The following UGT1A6 variants were observed in gnomAD, a reference collection of about 807,000 sequenced individuals.
UGT1A6 encodes the protein UDP-glucuronosyltransferase 1A6.
UGT1A6 carries 32 observed loss-of-function variants against 44.4 expected under a neutral mutation model. That is an observed-to-expected ratio of 0.72 (90% CI 0.54 to 0.97). The LOEUF is 0.97. Ranked by LOEUF, UGT1A6 falls within the 50% of genes least tolerant of loss-of-function variation. The probability of loss-of-function intolerance (pLI) is 0.00; values close to 1 mark genes in which losing one functional copy is unlikely to be tolerated. For synonymous variants in UGT1A6, 238 were observed against 248.5 expected (o/e 0.96, Z 0.40); for missense variants, 685 against 661.9 (o/e 1.03, Z -0.38).
Position 233,693,795 on chromosome 2 carries a change from C to T in UGT1A6, c.791C>T (p.Pro264Leu), listed in dbSNP as rs1559346736. Residue 264 changes from proline to leucine, a missense_variant, in exon 1 of 5, where the codon CCT (proline) becomes CTT (leucine). Coordinates refer to ENST00000305139, the MANE Select transcript of UGT1A6 (RefSeq NM_001072.4). ...AGATATGACTTTGTGCTTGAATATC[C>T]TAGGCCGGTCATGCCCAACATGGTC... is the stretch of plus-strand genomic sequence containing the variant. The part of the protein sequence containing the change: ...LLRYDFVLEY[P>L]RPVMPNMVFI... The T allele has an allele frequency of 6.2e-7, 1 of 1,614,186 alleles. No individual in the cohort carries two copies. Among genetic ancestry groups the T allele is most frequent in the East Asian group, 2.2e-5 (1 of 44,888 alleles).
At chr2:233,716,951 C>A (rs2076535717) in intron 1 of UGT1A6, among the ~76,000 whole-genome samples, 1 of 152,156 alleles carries the variant, frequency 6.6e-6, no homozygotes, top group Non-Finnish European at 1.5e-5. Flanking sequence ...TTCCCAGGCA[C>A]CAGGAATGTG....
chr2:233,733,221 G>A (rs531413389), intron 1 of UGT1A6, among the ~76,000 whole-genome samples: 6 of 152,072 alleles, frequency 3.9e-5, no homozygotes, highest in African/African-American at 1.4e-4. Context: ...GAGACAATGG[G>A]GTTTTCTAAA....
intron 1 of UGT1A6, chr2:233,754,258 T>A: frequency 5.9e-6 from 1 of 170,430 alleles, no homozygotes; most frequent in South Asian, 1.4e-4. Flanking sequence ...CGGAAAAAGG[T>A]AAGGCTCAAA....
At chr2:233,747,810 A>G (rs1693783178) in intron 1 of UGT1A6, 1 of 1,613,368 alleles carries the variant, frequency 6.2e-7, no homozygotes, top group South Asian at 1.1e-5. Flanking sequence ...GTTACTAACG[A>G]CCAATTCAGA....
rs776415192 is a variant in UGT1A6, at chr2:233,712,958, G to T, written c.861+19093G>T. 4.3e-6 allele frequency: 7 copies of T among 1,612,878 alleles called. No homozygotes were observed. In the Admixed American group the frequency reaches 1.2e-4, roughly 27 times the overall value. ...AACAATTCTAGGAGGCACAACGTGG[G>T]GTGGACAGTCAGCTGTCGGTGGCTT... On this transcript the variant is annotated intron_variant, in intron 1 of 4. Coordinates refer to ENST00000305139, the MANE Select transcript of UGT1A6 (RefSeq NM_001072.4).
Position 233,760,881 on chromosome 2 carries a change from C to T in UGT1A6, c.862-6153C>T, listed in dbSNP as rs199675631. ...TCTCCTACGTGCCCAGGCCTCTCTC[C>T]TCTCATTCAGATCACATGACCTTCC... On this transcript the variant is annotated intron_variant, in intron 1 of 4. Transcript: ENST00000305139. The T allele has an allele frequency of 3.1e-6, 5 of 1,614,198 alleles. No homozygotes were observed. The South Asian group carries it at 4.4e-5, about 14-fold the overall frequency.
chr2:233,720,831 G>A (rs1315551380), intron 1 of UGT1A6, among the ~76,000 whole-genome samples: 2 of 150,572 alleles, frequency 1.3e-5, no homozygotes, highest in African/African-American at 2.4e-5. Context: ...TCAGTCTCCT[G>A]AGTAACTGGG....
chr2:233,727,261 C>T (rs1322887481), intron 1 of UGT1A6, among the ~76,000 whole-genome samples: 2 of 152,146 alleles, frequency 1.3e-5, no homozygotes, highest in African/African-American at 4.8e-5. Flanking sequence ...GCCCAGACCC[C>T]TCCTCATCTC....
At chr2:233,695,228 C>T (rs530081428) in intron 1 of UGT1A6, among the ~76,000 whole-genome samples, 6 of 151,278 alleles carry the variant, frequency 4.0e-5, no homozygotes, top group Admixed American at 2.0e-4. Flanking sequence ...TGGGTTCAAG[C>T]GATTCTCCTG....
rs142524718 is a variant in UGT1A6 at position 233,712,496 on chromosome 2, C to G, written c.861+18631C>G. 2.0e-5 allele frequency among the ~76,000 whole-genome samples: 3 copies of G among 152,274 alleles called. No individual in the cohort carries two copies. The East Asian group carries it at 5.8e-4, about 29-fold the overall frequency. On this transcript the variant is annotated intron_variant, in intron 1 of 4. Coordinates refer to ENST00000305139, the MANE Select transcript of UGT1A6 (RefSeq NM_001072.4). ...CCCTGTTTAAAGAAAGCTGGCTTAG[C>G]AATGTTGTCTGCATTTTGGATGTGC... is the stretch of plus-strand genomic sequence containing the variant.
intron 1 of UGT1A6, among the ~76,000 whole-genome samples, chr2:233,699,850 C>G (rs1217397789): frequency 6.6e-6 from 1 of 152,144 alleles, no homozygotes; most frequent in Non-Finnish European, 1.5e-5. Context: ...TCCCCTAGGA[C>G]AGATATGTCT....
intron 1 of UGT1A6, among the ~76,000 whole-genome samples, chr2:233,722,817 G>T (rs1300822952): frequency 6.1e-5 from 9 of 147,334 alleles, no homozygotes; most frequent in African/African-American, 2.0e-4. Flanking sequence ...ATTTTTTCAA[G>T]TTATTTTGTA....
chr2:233,754,686 T>C, intron 1 of UGT1A6: 1 of 484,820 alleles, frequency 2.1e-6, no homozygotes, highest in Non-Finnish European at 4.0e-6. Flanking sequence ...ATCAACTATT[T>C]CAGTGGAAGT....
intron 4 of UGT1A6, chr2:233,770,796 T>G (rs1486074516): frequency 6.6e-6 from 1 of 152,204 alleles, no homozygotes; most frequent in Non-Finnish European, 1.5e-5. Context: ...TATAGATATG[T>G]TTAAAGACAG....
At chr2:233,721,695 A>G (rs928458069) in intron 1 of UGT1A6, 3 of 356,024 alleles carry the variant, frequency 8.4e-6, no homozygotes, top group African/African-American at 6.4e-5. Context: ...TGCAAGACGC[A>G]TGGCTCATCT....
At chr2:233,715,749 G>A (rs1295869903) in intron 1 of UGT1A6, among the ~76,000 whole-genome samples, 1 of 152,196 alleles carries the variant, frequency 6.6e-6, no homozygotes, top group Non-Finnish European at 1.5e-5. Flanking sequence ...TCCAGCCTGA[G>A]TGACAGAGCG....
intron 1 of UGT1A6, among the ~76,000 whole-genome samples, chr2:233,735,843 T>C (rs1217610969): frequency 2.0e-5 from 3 of 152,092 alleles, no homozygotes; most frequent in South Asian, 2.1e-4. Flanking sequence ...TGGCCCCCAC[T>C]CTCTTCTGTC....
intron 1 of UGT1A6, among the ~76,000 whole-genome samples, chr2:233,739,812 GT>G (rs957981819): frequency 5.3e-5 from 8 of 152,020 alleles, no homozygotes; most frequent in African/African-American, 1.9e-4. Context: ...GGCATGATTG[GT>G]TTTTAAATGT....
Position 233,750,543 on chromosome 2 carries a change from C to T in UGT1A6, c.862-16491C>T, listed in dbSNP as rs1193971718. On this transcript the variant is annotated intron_variant, in intron 1 of 4. Transcript: ENST00000305139. ...CAATGGGGAAAATGGCTTCAGTGCACATCAGAGACCTTTGCAGCAGACCCT... is the reference window on the plus strand; with the variant it reads ...CAATGGGGAAAATGGCTTCAGTGCATATCAGAGACCTTTGCAGCAGACCCT... 4 of 151,966 alleles carry T rather than the reference C, an allele frequency of 2.6e-5. 1 individual carries two copies. The highest frequency in any genetic ancestry group is 9.7e-5 in the African/African-American group (4 of 41,180). The allele number at this position is 151,966 out of a possible 1,614,324, so 9.4% of individuals were successfully genotyped here. A position where few individuals can be genotyped will look rare whatever the true frequency, so the allele number is the denominator to read the frequency against.
Sources: gnomAD v4.1 joint callset for allele counts (sites outside exome capture counted in the v4.1 genomes callset) on GRCh38, gnomAD v4.1.1 for gene constraint, MANE v1.5 for transcripts, NCBI Gene and HGNC (gene_info 2026-07-23, HGNC 2026-07-21) for gene names.